CNTNAP2: variants seen among roughly 807,000 people sequenced by gnomAD.
CNTNAP2 encodes contactin associated protein 2.
CNTNAP2 carries 98 observed loss-of-function variants against 155.2 expected under a neutral mutation model. That is an observed-to-expected ratio of 0.63 (90% CI 0.54 to 0.75). The LOEUF is 0.75. CNTNAP2 is among the 30% of genes least tolerant of loss of function. The pLI is 0.00. For synonymous variants in CNTNAP2, 651 were observed against 631.2 expected (o/e 1.03, Z -0.47); for missense variants, 1,727 against 1,688.1 (o/e 1.02, Z -0.40).
rs529018701 is a variant in CNTNAP2, at chr7:146,326,383, A to G, written c.97+209410A>G. Among the ~76,000 whole-genome samples the G allele has an allele frequency of 2.2e-3, 328 of 152,336 alleles. 2 individuals are homozygous for G. Among genetic ancestry groups the G allele is most frequent in the African/African-American group, 7.3e-3 (305 of 41,586 alleles). On this transcript the variant is annotated intron_variant, in intron 1 of 23. Coordinates refer to ENST00000361727, the MANE Select transcript of CNTNAP2 (RefSeq NM_014141.6). ...TTCAAAGTTTTGGAGCTAGCCTTGC[A>G]TATCTCTTTTCCTGAATGCTCCTGA...
intron 8 of CNTNAP2, among the ~76,000 whole-genome samples, chr7:147,293,880 A>G (rs754603235): frequency 3.3e-5 from 5 of 152,216 alleles, no homozygotes; most frequent in Non-Finnish European, 7.4e-5. Context: ...GGTGTTAGAG[A>G]AAATATTATA....
intron 1 of CNTNAP2, among the ~76,000 whole-genome samples, chr7:146,773,953 G>A (rs1802342083): frequency 6.6e-6 from 1 of 152,110 alleles, no homozygotes; most frequent in South Asian, 2.1e-4. Context: ...AAGATTTCCA[G>A]GAGATGCCAG....
At chr7:147,244,771 A>G (rs1274784785) in intron 8 of CNTNAP2, among the ~76,000 whole-genome samples, 1 of 152,208 alleles carries the variant, frequency 6.6e-6, no homozygotes, top group Non-Finnish European at 1.5e-5. Context: ...AGGCCAAGTA[A>G]TCACTTCCTA....
chr7:147,098,952 T>G (rs2129276927), intron 4 of CNTNAP2, among the ~76,000 whole-genome samples: 1 of 152,282 alleles, frequency 6.6e-6, no homozygotes, highest in African/African-American at 2.4e-5. Context: ...ACTTTATTAC[T>G]TTTATTACTG....
intron 13 of CNTNAP2, among the ~76,000 whole-genome samples, chr7:147,864,493 C>A (rs1377750535): frequency 6.6e-6 from 1 of 151,272 alleles, no homozygotes; most frequent in African/African-American, 2.4e-5. Flanking sequence ...ATGGGGATGG[C>A]ATTGAATCTG....
rs1212765261 is a variant in CNTNAP2 at position 148,147,818 on chromosome 7, T to C, written c.2773+109T>C. On this transcript the variant is annotated intron_variant, in intron 17 of 23. Transcript: ENST00000361727. ...ATGCAAGGTTTGATATAGAGATCCT[T>C]CCAAAAGTAAAGGTGTTGGCCTCTT... The C allele has an allele frequency of 6.2e-6, 7 of 1,132,862 alleles. No individual in the cohort carries two copies. The Admixed American group carries it at 8.6e-5, about 14-fold the overall frequency. 70.2% of individuals were successfully genotyped at this position (1,132,862 alleles called of 1,614,324 possible).
intron 13 of CNTNAP2, among the ~76,000 whole-genome samples, chr7:147,643,113 A>G (rs1343920728): frequency 6.9e-6 from 1 of 144,908 alleles, no homozygotes; most frequent in African/African-American, 2.9e-5. Flanking sequence ...TGAATCACAC[A>G]TTGAGAAACA....
At chr7:146,599,735 G>A (rs547232042) in intron 1 of CNTNAP2, among the ~76,000 whole-genome samples, 25 of 103,054 alleles carry the variant, frequency 2.4e-4, no homozygotes, top group African/African-American at 1.0e-3. Flanking sequence ...CCAGAAAGAC[G>A]ACAGACAGAG....
chr7:148,259,217 A>G (rs1402863883), intron 20 of CNTNAP2, among the ~76,000 whole-genome samples: 1 of 133,594 alleles, frequency 7.5e-6, no homozygotes, highest in African/African-American at 2.8e-5. Context: ...AAAGCCAGGC[A>G]TGGTGGTATG....
intron 1 of CNTNAP2, among the ~76,000 whole-genome samples, chr7:146,339,942 G>A (rs548907886): frequency 2.0e-5 from 3 of 152,096 alleles, no homozygotes; most frequent in South Asian, 2.1e-4. Flanking sequence ...AGGCCGAGGC[G>A]GGCGGATCAC....
At chr7:146,242,699 C>G (rs1254311207) in intron 1 of CNTNAP2, among the ~76,000 whole-genome samples, 1 of 152,066 alleles carries the variant, frequency 6.6e-6, no homozygotes, top group African/African-American at 2.4e-5. Context: ...TGATAATGAC[C>G]TTATTTTTGG....
intron 3 of CNTNAP2, among the ~76,000 whole-genome samples, chr7:147,031,786 C>T (rs957458299): frequency 6.6e-6 from 1 of 152,132 alleles, no homozygotes; most frequent in African/African-American, 2.4e-5. Flanking sequence ...GGCGTGGTGG[C>T]CTGTGCCTGT....
intron 9 of CNTNAP2, among the ~76,000 whole-genome samples, 165 bp downstream of exon 9, chr7:147,300,455 T>C (rs939493886): frequency 6.6e-6 from 1 of 151,806 alleles, no homozygotes; most frequent in African/African-American, 2.4e-5. Context: ...AAAGGAAAAA[T>C]TTTATTTCTT....
chr7:147,672,048 A>T (rs1050658104), intron 13 of CNTNAP2: 5 of 150,490 alleles, frequency 3.3e-5, no homozygotes, highest in Non-Finnish European at 7.4e-5. Flanking sequence ...TCAAGAGACT[A>T]AAAAAAAGTA....
At chr7:147,702,053 TG>T (rs1217816111) in intron 13 of CNTNAP2, among the ~76,000 whole-genome samples, 7 of 139,364 alleles carry the variant, frequency 5.0e-5, no homozygotes, top group Admixed American at 7.1e-5. Flanking sequence ...TCACTTTGGT[TG>T]GTTTTTTTTT....
At chr7:146,706,014 G>T (rs562942623) in intron 1 of CNTNAP2, among the ~76,000 whole-genome samples, 11 of 152,198 alleles carry the variant, frequency 7.2e-5, no homozygotes, top group African/African-American at 2.6e-4. Context: ...TGGACATCTT[G>T]GGCCAAATAA....
At chr7:146,244,292 AGT>A (rs1799609582) in intron 1 of CNTNAP2, among the ~76,000 whole-genome samples, 1 of 152,154 alleles carries the variant, frequency 6.6e-6, no homozygotes, top group African/African-American at 2.4e-5. Context: ...TTGGAGAAAC[AGT>A]GTAAACCGGC....
chr7:146,360,846 C>A (rs192225907), intron 1 of CNTNAP2, among the ~76,000 whole-genome samples: 1 of 152,152 alleles, frequency 6.6e-6, no homozygotes, highest in Non-Finnish European at 1.5e-5. Flanking sequence ...AACGTATCCC[C>A]TTGAAGTGGC....
chr7:147,661,311 C>T (rs1795604888), intron 13 of CNTNAP2, among the ~76,000 whole-genome samples: 1 of 151,946 alleles, frequency 6.6e-6, no homozygotes, highest in Non-Finnish European at 1.5e-5. Flanking sequence ...TTAAGCGGTG[C>T]ATTTTTATTT....
Sources: allele counts gnomAD v4.1 joint callset (sites outside exome capture counted in the v4.1 genomes callset), GRCh38; gene constraint gnomAD v4.1.1; transcripts MANE v1.5; gene names NCBI Gene and HGNC (gene_info 2026-07-23, HGNC 2026-07-21).